Variants in PCDHGA1 observed in about 807,000 individuals in gnomAD.
PCDHGA1 encodes protocadherin gamma-A1.
In PCDHGA1, 32 loss-of-function variants were observed where a neutral mutation model predicts 58.0. The observed-to-expected ratio is 0.55, with a 90% CI of 0.42 to 0.74. The LOEUF (loss-of-function observed/expected upper bound fraction) is 0.74. Among genes scored for constraint, PCDHGA1 ranks in the 30% least tolerant of loss-of-function variants. PCDHGA1 has a pLI of 0.00. For missense variants in PCDHGA1, 1,205 were observed against 1,182.3 expected (o/e 1.02, Z -0.28); for synonymous variants, 498 against 501.1 (o/e 0.99, Z 0.08).
intron 1 of PCDHGA1, chr5:141,357,277 C>T: frequency 6.2e-7 from 1 of 1,613,924 alleles, no homozygotes; most frequent in Non-Finnish European, 8.5e-7. Flanking sequence ...CACACTCTAT[C>T]TCGTGGTGGC....
chr5:141,433,001 G>A (rs1361701281), intron 1 of PCDHGA1: 39 of 1,614,156 alleles, frequency 2.4e-5, no homozygotes, highest in Non-Finnish European at 3.1e-5. Context: ...CGGGGTGCAG[G>A]CTTTCCTGCA....
chr5:141,418,351 G>A, intron 1 of PCDHGA1: 1 of 1,614,026 alleles, frequency 6.2e-7, no homozygotes, highest in Non-Finnish European at 8.5e-7. Flanking sequence ...ATATTAGTAT[G>A]AATTCGCTGA....
chr5:141,387,088 C>T (rs2090815090), intron 1 of PCDHGA1, among the ~76,000 whole-genome samples: 2 of 152,074 alleles, frequency 1.3e-5, no homozygotes, highest in Non-Finnish European at 1.5e-5. Context: ...CTGTGATCAT[C>T]GAAATGAGAA....
At chr5:141,495,010 G>T (rs1327870362) in intron 2 of PCDHGA1, 145 bp downstream of exon 2, 1 of 1,516,970 alleles carries the variant, frequency 6.6e-7, no homozygotes, top group Non-Finnish European at 8.9e-7. Flanking sequence ...GTGTGCGGGG[G>T]GCTGGCACAC....
At chr5:141,384,585 C>G in intron 1 of PCDHGA1, 2 of 1,614,246 alleles carry the variant, frequency 1.2e-6, no homozygotes, top group South Asian at 1.1e-5. Context: ...CGCCCGAGAT[C>G]CTGTACCCGG....
At chr5:141,409,674 TAGTGGCG>T in intron 1 of PCDHGA1, 1 of 1,613,414 alleles carries the variant, frequency 6.2e-7, no homozygotes, top group Non-Finnish European at 8.5e-7. Flanking sequence ...TCCTACTCTA[TAGTGGCG>T]AGTGACCTAG....
chr5:141,431,435 GC>G lies in PCDHGA1; in HGVS notation c.2422-63371del. On this transcript the variant is annotated intron_variant, in intron 1 of 3. Coordinates refer to ENST00000517417, the MANE Select transcript of PCDHGA1 (RefSeq NM_018912.3). The surrounding 1 kb of genome is among the most constrained non-coding windows in gnomAD (Gnocchi z 4.8). The stretch of plus-strand genomic sequence containing the variant: ...GGGCGACCCGGTGCGCACAGGCACC[GC>G]GCGCATCCGCGTGATGGTTCTGGAT... 1.9e-6 allele frequency: 3 copies of G among 1,613,668 alleles called. No individual in the cohort carries two copies. The highest frequency in any genetic ancestry group is 2.5e-6 in the Non-Finnish European group (3 of 1,180,026).
intron 1 of PCDHGA1, chr5:141,371,152 A>G (rs1767538477): frequency 9.3e-6 from 15 of 1,614,060 alleles, no homozygotes; most frequent in Non-Finnish European, 1.2e-5. Context: ...AATGTTGCAG[A>G]GAACCTGCCC....
intron 1 of PCDHGA1, among the ~76,000 whole-genome samples, chr5:141,472,280 A>G (rs988007394): frequency 6.6e-6 from 1 of 152,276 alleles, no homozygotes; most frequent in African/African-American, 2.4e-5. Context: ...AGTGGCTCAC[A>G]CCTGTAATCC....
In PCDHGA1 at chr5:141,511,259, A is replaced by G; in HGVS notation, c.*86A>G. On this transcript the variant is annotated 3_prime_UTR_variant, in exon 4 of 4. Transcript: ENST00000517417. ...ACCTGCACCCAGGCCTCAGAGTTTCAGGGCTAACCCCCAGAATACTGGTAG... is the reference window on the plus strand; with the variant it reads ...ACCTGCACCCAGGCCTCAGAGTTTCGGGGCTAACCCCCAGAATACTGGTAG... 1.3e-6 allele frequency: 2 copies of G among 1,559,840 alleles called. No individual in the cohort carries two copies. The highest frequency in any genetic ancestry group is 1.7e-6 in the Non-Finnish European group (2 of 1,152,466).
At chr5:141,422,375 T>G (rs2096644332) in intron 1 of PCDHGA1, 3 of 1,570,696 alleles carry the variant, frequency 1.9e-6, no homozygotes, top group Admixed American at 1.9e-5. Flanking sequence ...AATGGTCAAG[T>G]CTCCTGTTTT....
intron 1 of PCDHGA1, among the ~76,000 whole-genome samples, chr5:141,436,383 G>C (rs1374382672): frequency 6.6e-6 from 1 of 152,104 alleles, no homozygotes; most frequent in Admixed American, 6.5e-5. Context: ...AGCTGAATAG[G>C]CTTTATTAAA....
intron 2 of PCDHGA1, among the ~76,000 whole-genome samples, chr5:141,498,839 A>C (rs2099786236): frequency 6.6e-6 from 1 of 152,062 alleles, no homozygotes; most frequent in Non-Finnish European, 1.5e-5. Context: ...AGGCTGAGGC[A>C]GGGGAATCGC....
intron 1 of PCDHGA1, among the ~76,000 whole-genome samples, chr5:141,424,906 A>T (rs1417615946): frequency 5.9e-5 from 9 of 152,212 alleles, no homozygotes. Context: ...GATCACAGGA[A>T]TCATTTCCAT....
chr5:141,365,569 A>G, intron 1 of PCDHGA1: 1 of 1,613,722 alleles, frequency 6.2e-7, no homozygotes, highest in Non-Finnish European at 8.5e-7. Context: ...TGGACAGAGA[A>G]GAGACTTCAG....
intron 1 of PCDHGA1, chr5:141,389,159 G>C: frequency 6.2e-7 from 1 of 1,613,988 alleles, no homozygotes; most frequent in Non-Finnish European, 8.5e-7. Context: ...CAACAGATCG[G>C]GGCAAGCCTC....
intron 2 of PCDHGA1, among the ~76,000 whole-genome samples, chr5:141,499,317 A>G (rs532848559): frequency 7.9e-5 from 12 of 152,354 alleles, no homozygotes; most frequent in Admixed American, 1.3e-4. Context: ...GAGAGACAGT[A>G]TCCCTGCTCT....
chr5:141,414,597 C>T, intron 1 of PCDHGA1: 5 of 1,613,972 alleles, frequency 3.1e-6, no homozygotes, highest in Non-Finnish European at 3.4e-6. Flanking sequence ...GGGGTGCCTC[C>T]ATCTTCTCAG....
Position 141,375,615 on chromosome 5 carries a change from C to G in PCDHGA1, c.2421+42510C>G, listed in dbSNP as rs778578584. Reference sequence around the variant, plus strand: ...TCCTACGTGTCCATCAACTCCGACACTGGGATTCTGTACGCCCTGCGCTCC... The same window carrying G: ...TCCTACGTGTCCATCAACTCCGACAGTGGGATTCTGTACGCCCTGCGCTCC... On this transcript the variant is annotated intron_variant, in intron 1 of 3. Coordinates refer to ENST00000517417, the MANE Select transcript of PCDHGA1 (RefSeq NM_018912.3). The G allele has an allele frequency of 6.8e-6, 11 of 1,614,124 alleles. No homozygotes were observed. In the South Asian group the frequency reaches 1.2e-4, roughly 18 times the overall value.
Sources: gnomAD v4.1 joint callset for allele counts (sites outside exome capture counted in the v4.1 genomes callset) on GRCh38, gnomAD v4.1.1 for gene constraint, Gnocchi (gnomAD v3.1) non-coding constraint, MANE v1.5 for transcripts, NCBI Gene and HGNC (gene_info 2026-07-23, HGNC 2026-07-21) for gene names.